NYAP2: variants seen among roughly 807,000 people sequenced by gnomAD.
NYAP2 encodes the protein neuronal tyrosine-phosphorylated phosphoinositide-3-kinase adapter 2.
A neutral mutation model predicts 50.4 loss-of-function variants in NYAP2; 23 were observed. The ratio of observed to expected loss-of-function variants is 0.46; its 90% CI spans 0.33 to 0.65. The LOEUF (loss-of-function observed/expected upper bound fraction) is 0.65. Among genes scored for constraint, NYAP2 ranks in the 30% least tolerant of loss-of-function variants. The pLI, the probability that NYAP2 is intolerant of heterozygous loss-of-function variation, is 0.02. For missense variants in NYAP2, 885 were observed against 861.0 expected (o/e 1.03, Z -0.35); for synonymous variants, 394 against 365.2 (o/e 1.08, Z -0.90).
chr2:225,538,838 CTTT>C (rs1559208720), intron 4 of NYAP2, among the ~76,000 whole-genome samples: 75 of 53,880 alleles, frequency 1.4e-3, no homozygotes, highest in South Asian at 3.7e-3. Flanking sequence ...TTCTTTCTTT[CTTT>C]CTTTCTTTGT....
At chr2:225,525,133 G>A (rs1691129191) in intron 4 of NYAP2, among the ~76,000 whole-genome samples, 1 of 152,094 alleles carries the variant, frequency 6.6e-6, no homozygotes, top group African/African-American at 2.4e-5. Context: ...ACTGTCAGTT[G>A]GAATATGTAT....
At chr2:225,472,857 G>A (rs1057006915) in intron 3 of NYAP2, among the ~76,000 whole-genome samples, 5 of 151,720 alleles carry the variant, frequency 3.3e-5, no homozygotes, top group Non-Finnish European at 5.9e-5. Context: ...TGTGCACAAC[G>A]TGCAGGTTTG....
chr2:225,625,071 A>AAT (rs2106256848), intron 5 of NYAP2, among the ~76,000 whole-genome samples: 1 of 151,102 alleles, frequency 6.6e-6, no homozygotes, highest in East Asian at 1.9e-4. Flanking sequence ...AAAAAAAAAA[A>AAT]ATTCAGATTT....
At chr2:225,571,644 G>A (rs1477720659) in intron 4 of NYAP2, among the ~76,000 whole-genome samples, 2 of 152,146 alleles carry the variant, frequency 1.3e-5, no homozygotes, top group Non-Finnish European at 2.9e-5. Flanking sequence ...AGAGCAGGGG[G>A]GCCCTGGCTC....
At chr2:225,467,792 T>TAA (rs1689944924) in intron 3 of NYAP2, among the ~76,000 whole-genome samples, 1 of 152,164 alleles carries the variant, frequency 6.6e-6, no homozygotes. Context: ...CCACCACACT[T>TAA]ACAAAAATAA....
At chr2:225,553,141 C>A (rs368874931) in intron 4 of NYAP2, among the ~76,000 whole-genome samples, 2 of 152,216 alleles carry the variant, frequency 1.3e-5, no homozygotes, top group Non-Finnish European at 2.9e-5. Context: ...GGAGCTCTGA[C>A]GGGACGTCCC....
At chr2:225,565,953 AT>A (rs1388392262) in intron 4 of NYAP2, among the ~76,000 whole-genome samples, 2 of 152,156 alleles carry the variant, frequency 1.3e-5, no homozygotes, top group African/African-American at 2.4e-5. Context: ...ACCATCATAT[AT>A]AGAGGCAAAT....
rs150251349 is a variant in NYAP2 at position 225,531,270 on chromosome 2, C to T, written c.523+17598C>T. Among the ~76,000 whole-genome samples, 3 of 152,250 alleles carry T rather than the reference C, an allele frequency of 2.0e-5. No individual in the cohort carries two copies. The East Asian group carries it at 5.8e-4, about 29-fold the overall frequency. On this transcript the variant is annotated intron_variant, in intron 4 of 6. Transcript: ENST00000636099. ...AACCATGCTTGTTCCTGCCTCTGTG[C>T]CCTTGCTTGTAAAATTTTCTTTCTG...
At chr2:225,537,038 A>G (rs1179829539) in intron 4 of NYAP2, among the ~76,000 whole-genome samples, 4 of 152,016 alleles carry the variant, frequency 2.6e-5, no homozygotes, top group African/African-American at 9.7e-5. Flanking sequence ...TCGGCTTCCC[A>G]AAGTGCTGGG....
At chr2:225,421,613 T>C (rs1248279715) in intron 3 of NYAP2, among the ~76,000 whole-genome samples, 2 of 152,238 alleles carry the variant, frequency 1.3e-5, no homozygotes, top group Admixed American at 1.3e-4. Context: ...GGAATGTTTG[T>C]TCAGGGTGAG....
intron 4 of NYAP2, among the ~76,000 whole-genome samples, chr2:225,558,972 G>T (rs1157419968): frequency 6.6e-6 from 1 of 152,078 alleles, no homozygotes; most frequent in Non-Finnish European, 1.5e-5. Context: ...GTTTACTTTG[G>T]GTAACTGGAG....
chr2:225,643,121 C>T (rs934467876), intron 6 of NYAP2, among the ~76,000 whole-genome samples: 2 of 152,040 alleles, frequency 1.3e-5, no homozygotes, highest in South Asian at 2.1e-4. Context: ...CATTTACTAG[C>T]GTCAAAGAAT....
chr2:225,519,205 T>G (rs1354889420), intron 4 of NYAP2, among the ~76,000 whole-genome samples: 1 of 151,936 alleles, frequency 6.6e-6, no homozygotes, highest in Admixed American at 6.6e-5. Context: ...GCATAATCTT[T>G]TAATAATATG....
chr2:225,674,124 T>TAG, the NYAP2 span, among the ~76,000 whole-genome samples: 1 of 151,514 alleles, frequency 6.6e-6, no homozygotes, highest in African/African-American at 2.4e-5. Context: ...AGCTGTGGGG[T>TAG]AGAGAGAGAG....
At chr2:225,656,840 A>G (rs919487362), downstream of NYAP2, among the ~76,000 whole-genome samples, 1 of 152,102 alleles carries the variant, frequency 6.6e-6, no homozygotes, top group African/African-American at 2.4e-5. Flanking sequence ...TCATTTGTTG[A>G]CTTACTCAAC....
At chr2:225,660,102 AT>A in the NYAP2 span, among the ~76,000 whole-genome samples, 6 of 151,988 alleles carry the variant, frequency 3.9e-5, no homozygotes, top group South Asian at 4.2e-4. Flanking sequence ...GGGCAAATTG[AT>A]TTCCCCCACC....
chr2:225,497,256 T>G (rs1328274721), intron 3 of NYAP2, among the ~76,000 whole-genome samples: 1 of 152,222 alleles, frequency 6.6e-6, no homozygotes, highest in Non-Finnish European at 1.5e-5. Flanking sequence ...TATCATATTA[T>G]TACATTTGGG....
intron 3 of NYAP2, among the ~76,000 whole-genome samples, chr2:225,504,680 C>G (rs1360606765): frequency 6.6e-6 from 1 of 151,952 alleles, no homozygotes; most frequent in African/African-American, 2.4e-5. Flanking sequence ...GGTGAAATCT[C>G]CTACCAAGGA....
the NYAP2 span, among the ~76,000 whole-genome samples, chr2:225,675,616 C>CATGT: frequency 6.6e-6 from 1 of 152,060 alleles, no homozygotes; most frequent in Non-Finnish European, 1.5e-5. Flanking sequence ...ACATATCGTG[C>CATGT]ATGTGTCTGA....
Sources: allele counts gnomAD v4.1 joint callset (sites outside exome capture counted in the v4.1 genomes callset), GRCh38; gene constraint gnomAD v4.1.1; transcripts MANE v1.5; gene names NCBI Gene and HGNC (gene_info 2026-07-23, HGNC 2026-07-21).